The following MGAT4C variants were observed in gnomAD, a reference collection of about 807,000 sequenced individuals.
The protein encoded by MGAT4C is MGAT4 family member C, also known as alpha-1,3-mannosyl-glycoprotein 4-beta-N-acetylglucosaminyltransferase C.
MGAT4C carries 19 observed loss-of-function variants against 40.1 expected under a neutral mutation model. That is an observed-to-expected ratio of 0.47 (90% CI 0.33 to 0.70). MGAT4C has a LOEUF of 0.70. Ranked by LOEUF, MGAT4C falls within the 30% of genes least tolerant of loss-of-function variation. The pLI is 0.02. For missense variants in MGAT4C, 491 were observed against 563.2 expected (o/e 0.87, Z 1.30); for synonymous variants, 181 against 187.1 (o/e 0.97, Z 0.27).
intron 2 of MGAT4C, among the ~76,000 whole-genome samples, chr12:86,531,100 T>C (rs1958973986): frequency 6.6e-6 from 1 of 152,058 alleles, no homozygotes; most frequent in African/African-American, 2.4e-5. Context: ...GATAAAATAG[T>C]AGAGCATTGA....
At chr12:86,114,362 T>C (rs1878008503) in intron 1 of MGAT4C, among the ~76,000 whole-genome samples, 1 of 151,886 alleles carries the variant, frequency 6.6e-6, no homozygotes, top group Non-Finnish European at 1.5e-5. Context: ...GACTATGTTC[T>C]CCAGAGCATG....
chr12:86,028,016 C>T, intron 2 of MGAT4C: 1 of 667,480 alleles, frequency 1.5e-6, no homozygotes, highest in African/African-American at 1.9e-5. Context: ...ATACATTCTC[C>T]AGGCTTTGAA....
At chr12:86,352,592 C>T (rs1027424540) in intron 3 of MGAT4C, among the ~76,000 whole-genome samples, 1 of 152,078 alleles carries the variant, frequency 6.6e-6, no homozygotes, top group African/African-American at 2.4e-5. Flanking sequence ...TTTATGACCA[C>T]ATAGGGTTCC....
intron 2 of MGAT4C, among the ~76,000 whole-genome samples, chr12:86,589,945 A>G (rs924525186): frequency 6.6e-6 from 1 of 151,986 alleles, no homozygotes; most frequent in African/African-American, 2.4e-5. Flanking sequence ...TCATTATTCA[A>G]ATTAAAACAA....
In MGAT4C at chr12:86,722,944, A is replaced by G. The variant is rs180951494; in HGVS notation, c.-229+4265T>C. On this transcript the variant is annotated intron_variant, in intron 2 of 7. Coordinates refer to the MGAT4C transcript ENST00000548651. ...TGCATATGGAAAATATAGGTCCACC[A>G]TATGCTGGTGTTAAACCCAGGTGTC... is the stretch of plus-strand genomic sequence containing the variant. Among the ~76,000 whole-genome samples the G allele has an allele frequency of 2.7e-3, 404 of 152,316 alleles. 3 individuals are homozygous for G. The highest frequency in any genetic ancestry group is 2.5e-3 in the Non-Finnish European group (167 of 68,032).
chr12:86,789,036 G>T (rs1018939466), intron 1 of MGAT4C, among the ~76,000 whole-genome samples: 2 of 152,006 alleles, frequency 1.3e-5, no homozygotes, highest in African/African-American at 2.4e-5. Context: ...TAATTTTCCT[G>T]AAATAGTATA....
chr12:86,306,149 T>C (rs1053686955), intron 4 of MGAT4C, among the ~76,000 whole-genome samples: 2 of 150,324 alleles, frequency 1.3e-5, no homozygotes, highest in Non-Finnish European at 2.9e-5. Flanking sequence ...GAAAAAGATC[T>C]GGCAGTGTCC....
intron 2 of MGAT4C, among the ~76,000 whole-genome samples, chr12:86,708,668 G>A (rs1950505835): frequency 6.6e-6 from 1 of 152,180 alleles, no homozygotes; most frequent in Non-Finnish European, 1.5e-5. Flanking sequence ...CAAGACCATG[G>A]GAACTAAGCT....
chr12:86,021,939 T>G (rs61931107), intron 2 of MGAT4C, among the ~76,000 whole-genome samples: 11,694 of 152,204 alleles, frequency 0.077, 565 homozygotes, highest in Middle Eastern at 0.23. Flanking sequence ...ATAACAAATT[T>G]GGGTGGATTT....
rs527720258 is a variant in MGAT4C at position 86,806,102 on chromosome 12, T to C, written c.-262+32564A>G. Reference sequence around the variant, plus strand: ...CTTTAGTTGTCCTTAAAATTATTTTTGTAAAAAAAAACCTTTTTATTCATT... The same window carrying C: ...CTTTAGTTGTCCTTAAAATTATTTTCGTAAAAAAAAACCTTTTTATTCATT... On this transcript the variant is annotated intron_variant, in intron 1 of 7. Transcript: ENST00000548651. 2.6e-5 allele frequency among the ~76,000 whole-genome samples: 4 copies of C among 151,920 alleles called. No homozygotes were observed. The South Asian group carries it at 8.3e-4, about 32-fold the overall frequency.
Position 86,698,131 on chromosome 12 carries a change from A to G in MGAT4C, c.-229+29078T>C, listed in dbSNP as rs192927440. The stretch of plus-strand genomic sequence containing the variant: ...GTCTGTGTTGTAACTGAATCTTGAG[A>G]AATACTTGCAACACATATGACAAGA... On this transcript the variant is annotated intron_variant, in intron 2 of 7. Transcript: ENST00000548651. 2.0e-5 allele frequency among the ~76,000 whole-genome samples: 3 copies of G among 152,228 alleles called. No homozygotes were observed. In the East Asian group the frequency reaches 5.8e-4, roughly 29 times the overall value.
At chr12:86,215,423 A>G (rs1950634331) in intron 1 of MGAT4C, among the ~76,000 whole-genome samples, 1 of 152,186 alleles carries the variant, frequency 6.6e-6, no homozygotes, top group African/African-American at 2.4e-5. Context: ...AGCAAACTGC[A>G]ACTTAATTTA....
chr12:86,544,280 G>C (rs762772316), intron 2 of MGAT4C, among the ~76,000 whole-genome samples: 1 of 152,046 alleles, frequency 6.6e-6, no homozygotes, highest in Non-Finnish European at 1.5e-5. Context: ...TTCATGGAAG[G>C]TGACTAAAAG....
chr12:86,252,855 A>G (rs1952358110), intron 1 of MGAT4C, among the ~76,000 whole-genome samples: 1 of 151,954 alleles, frequency 6.6e-6, no homozygotes, highest in African/African-American at 2.4e-5. Flanking sequence ...TTGAACATAC[A>G]TTATAAATAC....
intron 1 of MGAT4C, among the ~76,000 whole-genome samples, chr12:86,129,385 T>C (rs1880826021): frequency 6.6e-6 from 1 of 152,242 alleles, no homozygotes; most frequent in South Asian, 2.1e-4. Flanking sequence ...GCTGCACAGC[T>C]AGAGAAACAG....
At chr12:86,540,512 C>A (rs1175250512) in intron 2 of MGAT4C, among the ~76,000 whole-genome samples, 1 of 152,126 alleles carries the variant, frequency 6.6e-6, no homozygotes, top group Non-Finnish European at 1.5e-5. Flanking sequence ...CCGAGACATG[C>A]AGATCACGAG....
At chr12:86,626,476 G>C (rs1280980940) in intron 2 of MGAT4C, among the ~76,000 whole-genome samples, 1 of 152,156 alleles carries the variant, frequency 6.6e-6, no homozygotes, top group Non-Finnish European at 1.5e-5. Flanking sequence ...AACTTATGCT[G>C]TTGTAGTTGT....
At chr12:86,716,806 A>C (rs931566034) in intron 2 of MGAT4C, among the ~76,000 whole-genome samples, 3 of 152,116 alleles carry the variant, frequency 2.0e-5, no homozygotes, top group African/African-American at 7.2e-5. Context: ...TTGAAAGTTA[A>C]GTTGAGATGG....
At chr12:86,757,574 C>T (rs1951327042) in intron 1 of MGAT4C, among the ~76,000 whole-genome samples, 2 of 152,078 alleles carry the variant, frequency 1.3e-5, no homozygotes, top group African/African-American at 2.4e-5. Flanking sequence ...TCTTTTCATG[C>T]TACCAGAGTG....
Sources: allele counts gnomAD v4.1 joint callset (sites outside exome capture counted in the v4.1 genomes callset), GRCh38; gene constraint gnomAD v4.1.1; transcripts MANE v1.5; gene names NCBI Gene and HGNC (gene_info 2026-07-23, HGNC 2026-07-21).